FBXL17: variants seen among roughly 807,000 people sequenced by gnomAD.
FBXL17 encodes the protein F-box and leucine rich repeat protein 17.
FBXL17 carries 22 observed loss-of-function variants against 66.2 expected under a neutral mutation model. The observed-to-expected ratio is 0.33, with a 90% CI of 0.24 to 0.47. The LOEUF (loss-of-function observed/expected upper bound fraction) is 0.47, where lower values mean the gene tolerates loss of function less well. Among genes scored for constraint, FBXL17 ranks in the 20% least tolerant of loss-of-function variants. FBXL17 has a pLI of 1.00. For synonymous variants in FBXL17, 474 were observed against 400.5 expected (o/e 1.18, Z -2.19); for missense variants, 878 against 948.2 (o/e 0.93, Z 0.97).
intron 4 of FBXL17, among the ~76,000 whole-genome samples, chr5:108,290,638 G>C (rs1758071942): frequency 6.6e-6 from 1 of 152,124 alleles, no homozygotes; most frequent in Non-Finnish European, 1.5e-5. Flanking sequence ...TTACAGAATA[G>C]AAACTATAGA....
chr5:108,090,117 C>T (rs1265545000), intron 6 of FBXL17, among the ~76,000 whole-genome samples: 1 of 152,162 alleles, frequency 6.6e-6, no homozygotes, highest in Non-Finnish European at 1.5e-5. Flanking sequence ...GTGTGAGCCA[C>T]CATGCCCAGC....
At chr5:108,273,435 A>G (rs1757358869) in intron 4 of FBXL17, among the ~76,000 whole-genome samples, 1 of 151,906 alleles carries the variant, frequency 6.6e-6, no homozygotes, top group Admixed American at 6.6e-5. Flanking sequence ...AGTATACATA[A>G]AAGTTTAAAG....
At chr5:108,130,292 C>T (rs1403369724) in intron 6 of FBXL17, among the ~76,000 whole-genome samples, 1 of 151,538 alleles carries the variant, frequency 6.6e-6, no homozygotes, top group East Asian at 1.9e-4. Flanking sequence ...AATTCTAACC[C>T]AAGAAGCATA....
chr5:108,296,483 G>T (rs1344919765), intron 4 of FBXL17, among the ~76,000 whole-genome samples: 1 of 151,530 alleles, frequency 6.6e-6, no homozygotes, highest in African/African-American at 2.4e-5. Flanking sequence ...TTTATGTTTA[G>T]AAAGTACAAC....
chr5:108,204,986 C>T (rs1212762496), intron 5 of FBXL17, among the ~76,000 whole-genome samples: 1 of 152,000 alleles, frequency 6.6e-6, no homozygotes, highest in Non-Finnish European at 1.5e-5. Flanking sequence ...TCGAAACTTA[C>T]TGCAGACTCT....
chr5:108,306,717 A>AT (rs1426873910), intron 4 of FBXL17, among the ~76,000 whole-genome samples: 3 of 151,984 alleles, frequency 2.0e-5, no homozygotes, highest in Non-Finnish European at 2.9e-5. Context: ...AGGGGATAGC[A>AT]TTTTTCCATC....
At chr5:107,881,299 A>T (rs569283866) in intron 7 of FBXL17, 120 bp from the exon 8 acceptor site, 1 of 602,674 alleles carries the variant, frequency 1.7e-6, no homozygotes, top group African/African-American at 1.8e-5. Context: ...GTGTAAATGA[A>T]CGTTTTATAA....
At chr5:108,005,264 G>C (rs912179712) in intron 7 of FBXL17, among the ~76,000 whole-genome samples, 2 of 152,072 alleles carry the variant, frequency 1.3e-5, no homozygotes, top group Non-Finnish European at 2.9e-5. Flanking sequence ...TGGACGATAC[G>C]TAAAGTATCA....
intron 6 of FBXL17, among the ~76,000 whole-genome samples, chr5:108,097,290 A>G (rs1749405759): frequency 6.6e-6 from 1 of 152,220 alleles, no homozygotes; most frequent in Non-Finnish European, 1.5e-5. Flanking sequence ...TGAGTCAATT[A>G]AACCTCCTTT....
chr5:107,872,736 G>A (rs1190334314), intron 8 of FBXL17, among the ~76,000 whole-genome samples: 4 of 152,170 alleles, frequency 2.6e-5, no homozygotes, highest in African/African-American at 9.7e-5. Context: ...AAGAGCTAAC[G>A]TTTATTGCTT....
intron 5 of FBXL17, among the ~76,000 whole-genome samples, chr5:108,190,698 A>C (rs987879297): frequency 6.6e-6 from 1 of 152,172 alleles, no homozygotes; most frequent in Admixed American, 6.5e-5. Context: ...AGCAAAGATG[A>C]ATTTGTATGT....
At chr5:108,276,488 A>T (rs1398951858) in intron 4 of FBXL17, among the ~76,000 whole-genome samples, 1 of 151,934 alleles carries the variant, frequency 6.6e-6, no homozygotes, top group African/African-American at 2.4e-5. Context: ...AGAATAATAT[A>T]TTGTAAGTCT....
chr5:108,310,460 C>T (rs545140018), intron 4 of FBXL17, among the ~76,000 whole-genome samples: 28 of 152,204 alleles, frequency 1.8e-4, no homozygotes, highest in Non-Finnish European at 2.1e-4. Context: ...TTAATGATCC[C>T]GTCAAGTTAT....
rs563616723 is a variant in FBXL17 at position 108,365,318 on chromosome 5, G to A, written c.1117-323C>T. On this transcript the variant is annotated intron_variant, in intron 2 of 8. Transcript: ENST00000542267. ...ATACTAATGAAGTGACTTAGAGTGG[G>A]GCGCCTAGATGGCTTCAGAATGGGG... Among the ~76,000 whole-genome samples the A allele has an allele frequency of 3.3e-5, 5 of 152,118 alleles. No individual in the cohort carries two copies. In the East Asian group the frequency reaches 9.7e-4, roughly 29 times the overall value.
chr5:108,167,031 T>C (rs1163620501), intron 6 of FBXL17, among the ~76,000 whole-genome samples: 2 of 152,226 alleles, frequency 1.3e-5, no homozygotes, highest in Non-Finnish European at 2.9e-5. Context: ...AGATCTTATT[T>C]TATGGCAGCA....
chr5:108,039,754 T>C (rs1287863969), intron 6 of FBXL17, among the ~76,000 whole-genome samples: 4 of 152,064 alleles, frequency 2.6e-5, no homozygotes, highest in Non-Finnish European at 4.4e-5. Context: ...ATCCTGACCA[T>C]TAAAGTAGAA....
chr5:108,176,900 A>AGCAG (rs2150022294), intron 6 of FBXL17, among the ~76,000 whole-genome samples: 1 of 152,290 alleles, frequency 6.6e-6, no homozygotes, highest in African/African-American at 2.4e-5. Flanking sequence ...TGCCTGTTGT[A>AGCAG]GCAAAATATC....
chr5:108,077,238 C>G (rs889069103), intron 6 of FBXL17, among the ~76,000 whole-genome samples: 5 of 152,166 alleles, frequency 3.3e-5, no homozygotes, highest in African/African-American at 9.7e-5. Context: ...AAAGAGCCCA[C>G]ACGATCAATC....
At chr5:108,373,301 T>C (rs1487460570) in intron 1 of FBXL17, among the ~76,000 whole-genome samples, 1 of 143,370 alleles carries the variant, frequency 7.0e-6, no homozygotes, top group South Asian at 2.1e-4. Context: ...AAATATAATA[T>C]ATATCTAAAT....
Sources: gnomAD v4.1 joint callset for allele counts (sites outside exome capture counted in the v4.1 genomes callset) on GRCh38, gnomAD v4.1.1 for gene constraint, MANE v1.5 for transcripts, NCBI Gene and HGNC (gene_info 2026-07-23, HGNC 2026-07-21) for gene names.